ITGBL1: variants seen among roughly 807,000 people sequenced by gnomAD.
ITGBL1 encodes integrin subunit beta like 1.
In ITGBL1, 51 loss-of-function variants were observed where a neutral mutation model predicts 68.5. The ratio of observed to expected loss-of-function variants is 0.74; its 90% CI spans 0.59 to 0.94. ITGBL1 has a LOEUF of 0.94. Among genes scored for constraint, ITGBL1 ranks in the 40% least tolerant of loss-of-function variants. The pLI, the probability that ITGBL1 is intolerant of heterozygous loss-of-function variation, is 0.00. For synonymous variants in ITGBL1, 209 were observed against 227.3 expected (o/e 0.92, Z 0.72); for missense variants, 649 against 647.4 (o/e 1.00, Z -0.03).
At chr13:101,696,329 A>G (rs2034001448) in intron 8 of ITGBL1, among the ~76,000 whole-genome samples, 1 of 152,208 alleles carries the variant, frequency 6.6e-6, no homozygotes, top group Admixed American at 6.5e-5. Flanking sequence ...TGATTGCACA[A>G]TATGAGGGGC....
intron 2 of ITGBL1, among the ~76,000 whole-genome samples, chr13:101,467,149 G>T: frequency 6.6e-6 from 1 of 152,008 alleles, no homozygotes; most frequent in African/African-American, 2.4e-5. Flanking sequence ...CCTCCTGCAG[G>T]CCCACCCACC....
At chr13:101,598,946 T>C (rs1490057047) in intron 7 of ITGBL1, among the ~76,000 whole-genome samples, 1 of 152,126 alleles carries the variant, frequency 6.6e-6, no homozygotes, top group African/African-American at 2.4e-5. Context: ...CCTGGGTATA[T>C]GCCCAGTAAT....
intron 2 of ITGBL1, among the ~76,000 whole-genome samples, chr13:101,468,749 G>T (rs2048418015): frequency 6.6e-6 from 1 of 152,172 alleles, no homozygotes; most frequent in Non-Finnish European, 1.5e-5. Context: ...CTGGGCAAAA[G>T]AACCCGTTAT....
intron 2 of ITGBL1, among the ~76,000 whole-genome samples, chr13:101,536,940 C>G (rs995081721): frequency 6.6e-6 from 1 of 151,926 alleles, no homozygotes; most frequent in African/African-American, 2.4e-5. Context: ...ACTTTTAATA[C>G]ATAGATATTC....
At chr13:101,707,436 A>G (rs542820900) in intron 9 of ITGBL1, among the ~76,000 whole-genome samples, 1 of 152,088 alleles carries the variant, frequency 6.6e-6, no homozygotes, top group South Asian at 2.1e-4. Context: ...TTAAAAAGGA[A>G]AGAAAAGCTA....
rs569571037 is a variant in ITGBL1, at chr13:101,452,939, T to C, written c.98+8T>C. The C allele has an allele frequency of 1.0e-4, 169 of 1,612,872 alleles. No homozygotes were observed. In the South Asian group the frequency reaches 1.8e-3, roughly 17 times the overall value. ...CTTCTCGCCATCTCTGAGGTAAGTTTGGTTTGTTATTCTTCAGTACAGACC... is the reference window on the plus strand; with the variant it reads ...CTTCTCGCCATCTCTGAGGTAAGTTCGGTTTGTTATTCTTCAGTACAGACC... On this transcript the variant is annotated splice_region_variant and intron_variant, in intron 1 of 10. Coordinates refer to ENST00000376180, the MANE Select transcript of ITGBL1 (RefSeq NM_004791.3).
At chr13:101,626,574 C>T (rs909220957) in intron 7 of ITGBL1, among the ~76,000 whole-genome samples, 4 of 152,048 alleles carry the variant, frequency 2.6e-5, no homozygotes, top group Non-Finnish European at 5.9e-5. Context: ...ATCTGCATTG[C>T]TTTGCTTGTG....
intron 2 of ITGBL1, among the ~76,000 whole-genome samples, chr13:101,462,706 CT>C (rs2048333723): frequency 6.6e-6 from 1 of 152,156 alleles, no homozygotes; most frequent in Non-Finnish European, 1.5e-5. Context: ...CCTCAGCCTC[CT>C]GAGTAGCTGG....
chr13:101,524,709 G>A (rs796454395), intron 2 of ITGBL1, among the ~76,000 whole-genome samples: 2 of 147,886 alleles, frequency 1.4e-5, no homozygotes, highest in South Asian at 4.2e-4. Context: ...AATGACACTA[G>A]GGCTTTATAT....
intron 7 of ITGBL1, among the ~76,000 whole-genome samples, chr13:101,604,881 T>TACACACACACACACACAC (rs1292236214): frequency 2.9e-3 from 41 of 14,266 alleles, no homozygotes; most frequent in South Asian, 0.013. Context: ...TATATATATA[T>TACACACACACACACACAC]ATATATACAC....
At chr13:101,683,761 C>CT (rs2033695443) in intron 7 of ITGBL1, among the ~76,000 whole-genome samples, 1 of 151,952 alleles carries the variant, frequency 6.6e-6, no homozygotes, top group African/African-American at 2.4e-5. Flanking sequence ...CTTTGCTAAT[C>CT]TGATTGGGTT....
intron 2 of ITGBL1, among the ~76,000 whole-genome samples, chr13:101,465,825 A>C (rs16951694): frequency 6.6e-6 from 1 of 152,216 alleles, no homozygotes; most frequent in Non-Finnish European, 1.5e-5. Flanking sequence ...TGTTCAGTGA[A>C]TAAATGAGAT....
chr13:101,593,750 G>C (rs532385479), intron 6 of ITGBL1, among the ~76,000 whole-genome samples: 3 of 152,186 alleles, frequency 2.0e-5, no homozygotes, highest in African/African-American at 7.2e-5. Flanking sequence ...GTGGTTACCA[G>C]AGACGGGAGG....
At chr13:101,499,760 G>C (rs944340187) in intron 2 of ITGBL1, among the ~76,000 whole-genome samples, 5 of 152,220 alleles carry the variant, frequency 3.3e-5, no homozygotes, top group Admixed American at 3.3e-4. Context: ...TTTAAAAAAG[G>C]AGAGAGATTT....
chr13:101,551,335 A>G (rs2049917013), intron 2 of ITGBL1, among the ~76,000 whole-genome samples: 1 of 152,228 alleles, frequency 6.6e-6, no homozygotes, highest in African/African-American at 2.4e-5. Context: ...TGTAAAGAAC[A>G]GGAGACACTT....
intron 7 of ITGBL1, among the ~76,000 whole-genome samples, chr13:101,615,964 G>T (rs1042667210): frequency 6.6e-6 from 1 of 152,124 alleles, no homozygotes; most frequent in Non-Finnish European, 1.5e-5. Flanking sequence ...CCAGACTCCA[G>T]AGCTGCAAAG....
At chr13:101,677,371 T>C (rs533336541) in intron 7 of ITGBL1, among the ~76,000 whole-genome samples, 2 of 152,346 alleles carry the variant, frequency 1.3e-5, no homozygotes, top group East Asian at 3.9e-4. Flanking sequence ...GTTCAGACAC[T>C]GTACCACAAC....
chr13:101,601,624 T>G (rs2030388719), intron 7 of ITGBL1, among the ~76,000 whole-genome samples: 1 of 152,206 alleles, frequency 6.6e-6, no homozygotes. Flanking sequence ...CCAGAGATTC[T>G]GGTATGTTGT....
chr13:101,579,279 GGGT>G lies in ITGBL1; in HGVS notation c.587-7_587-5del. ...TTCCTCACTGTATAAAATTCATTTT[GGGT>G]AAAGGCCATGGGAAGTGTTACTGTG... On this transcript the variant is annotated splice_polypyrimidine_tract_variant and splice_region_variant and intron_variant, in intron 4 of 10. Coordinates refer to ENST00000376180, the MANE Select transcript of ITGBL1 (RefSeq NM_004791.3). 6.2e-7 allele frequency: 1 copy of G among 1,612,192 alleles called. No individual in the cohort carries two copies. The highest frequency in any genetic ancestry group is 8.5e-7 in the Non-Finnish European group (1 of 1,178,812).
Sources: allele counts gnomAD v4.1 joint callset (sites outside exome capture counted in the v4.1 genomes callset), GRCh38; gene constraint gnomAD v4.1.1; transcripts MANE v1.5; gene names NCBI Gene and HGNC (gene_info 2026-07-23, HGNC 2026-07-21).